The following GRAMD1B variants were observed in gnomAD, a reference collection of about 807,000 sequenced individuals.
GRAMD1B encodes the protein GRAM domain containing 1B.
GRAMD1B carries 37 observed loss-of-function variants against 99.7 expected under a neutral mutation model. The ratio of observed to expected loss-of-function variants is 0.37; its 90% CI spans 0.29 to 0.49. The LOEUF (loss-of-function observed/expected upper bound fraction) is 0.49, where lower values mean the gene tolerates loss of function less well. GRAMD1B is among the 20% of genes least tolerant of loss of function. The pLI is 0.98. For missense variants in GRAMD1B, 888 were observed against 1,009.2 expected (o/e 0.88, Z 1.63); for synonymous variants, 427 against 387.6 (o/e 1.10, Z -1.19).
At chr11:123,412,858 T>C (rs1948100399) in intron 1 of GRAMD1B, among the ~76,000 whole-genome samples, 1 of 152,176 alleles carries the variant, frequency 6.6e-6, no homozygotes, top group Non-Finnish European at 1.5e-5. Flanking sequence ...CTCGGCTTAC[T>C]GCAACGTCTA....
chr11:123,382,635 A>T (rs935406468), intron 1 of GRAMD1B, among the ~76,000 whole-genome samples: 1 of 152,144 alleles, frequency 6.6e-6, no homozygotes, highest in African/African-American at 2.4e-5. Flanking sequence ...CGTTTGTGAA[A>T]AAGCATCCAG....
intron 2 of GRAMD1B, among the ~76,000 whole-genome samples, chr11:123,504,394 A>G (rs1273134392): frequency 6.6e-6 from 1 of 152,054 alleles, no homozygotes; most frequent in Non-Finnish European, 1.5e-5. Flanking sequence ...ACTGACCCCG[A>G]AGGCTTAGCT....
At chr11:123,498,688 G>T (rs1395326549) in intron 2 of GRAMD1B, among the ~76,000 whole-genome samples, 1 of 152,126 alleles carries the variant, frequency 6.6e-6, no homozygotes. Context: ...TTGATTATGA[G>T]TGTCCCGCTG....
intron 1 of GRAMD1B, among the ~76,000 whole-genome samples, chr11:123,445,838 A>AC (rs1949617540): frequency 6.7e-6 from 1 of 150,352 alleles, no homozygotes; most frequent in Non-Finnish European, 1.5e-5. Flanking sequence ...AAAAAAAAAA[A>AC]CAAGACAAAC....
chr11:123,588,119 A>C (rs1950249478), intron 4 of GRAMD1B, among the ~76,000 whole-genome samples: 1 of 150,802 alleles, frequency 6.6e-6, no homozygotes, highest in Admixed American at 6.7e-5. Context: ...CTGCCTATCC[A>C]GATTTGGCTG....
chr11:123,568,393 T>G (rs1947642489), intron 2 of GRAMD1B, among the ~76,000 whole-genome samples: 1 of 152,238 alleles, frequency 6.6e-6, no homozygotes, highest in African/African-American at 2.4e-5. Flanking sequence ...AACAGTCCAG[T>G]TCCACCTTTG....
chr11:123,458,059 C>A (rs1950241662), intron 1 of GRAMD1B, among the ~76,000 whole-genome samples: 1 of 152,134 alleles, frequency 6.6e-6, no homozygotes, highest in Non-Finnish European at 1.5e-5. Flanking sequence ...TGCATGACTC[C>A]ACGATAAGTG....
chr11:123,522,564 C>A (rs1385909820), intron 2 of GRAMD1B, among the ~76,000 whole-genome samples: 1 of 152,162 alleles, frequency 6.6e-6, no homozygotes, highest in Non-Finnish European at 1.5e-5. Context: ...GGTGATCCAC[C>A]CATCTCGGCC....
intron 2 of GRAMD1B, among the ~76,000 whole-genome samples, chr11:123,535,959 G>T (rs189534993): frequency 6.6e-6 from 1 of 152,142 alleles, no homozygotes; most frequent in Non-Finnish European, 1.5e-5. Flanking sequence ...CAGGTGCCTC[G>T]TTGTTGCAGT....
intron 2 of GRAMD1B, among the ~76,000 whole-genome samples, chr11:123,558,372 A>G (rs1946376881): frequency 6.6e-6 from 1 of 152,142 alleles, no homozygotes; most frequent in African/African-American, 2.4e-5. Context: ...CTTCTCAGGG[A>G]TGTAAAACCA....
At chr11:123,375,400 TAAA>T (rs879389466) in intron 1 of GRAMD1B, among the ~76,000 whole-genome samples, 2 of 146,946 alleles carry the variant, frequency 1.4e-5, no homozygotes, top group African/African-American at 5.0e-5. Flanking sequence ...TTCTATTAAA[TAAA>T]AAAAAAAGAG....
At chr11:123,388,573 C>T (rs1275282803) in intron 1 of GRAMD1B, among the ~76,000 whole-genome samples, 2 of 152,048 alleles carry the variant, frequency 1.3e-5, no homozygotes, top group Non-Finnish European at 2.9e-5. Context: ...ACTCGAGAGG[C>T]TGAGGTGGGA....
chr11:123,610,311 G>T lies in GRAMD1B; in HGVS notation c.1892G>T (p.Arg631Leu). 1 of 1,613,928 alleles carries T rather than the reference G, an allele frequency of 6.2e-7. No homozygotes were observed. Among genetic ancestry groups the T allele is most frequent in the Non-Finnish European group, 8.5e-7 (1 of 1,179,854 alleles). The change falls in exon 14 of 20, where the codon CGT becomes CTT. Residue 631 changes from arginine (R) to leucine (L), a missense_variant. By Grantham distance (102) the Arg-to-Leu change is moderately radical (BLOSUM62 -2). Around this residue, in one of 5 missense-constraint regions of GRAMD1B, gnomAD observed 92 missense variants for 156.9 expected, o/e 0.59. Coordinates refer to ENST00000635736, the MANE Select transcript of GRAMD1B (RefSeq NM_001387025.1). This position sits in a 1 kb window ranked among gnomAD's most constrained non-coding sequence, Gnocchi z 4.1. ...ACAATCAATCGCTACACGCTCACCCGTGTGGCTCGGAACAAGAGCCGACTC... is the reference window on the plus strand; with the variant it reads ...ACAATCAATCGCTACACGCTCACCCTTGTGGCTCGGAACAAGAGCCGACTC... ...FYTINRYTLT[R>L]VARNKSRLRV...
intron 2 of GRAMD1B, among the ~76,000 whole-genome samples, chr11:123,552,273 C>CTTTT (rs71060514): frequency 8.4e-5 from 10 of 119,324 alleles, no homozygotes; most frequent in South Asian, 2.6e-4. Flanking sequence ...CTCTTTCTTT[C>CTTTT]TTTTTTTTTT....
chr11:123,467,952 C>T (rs1950785869), intron 1 of GRAMD1B, among the ~76,000 whole-genome samples: 1 of 151,940 alleles, frequency 6.6e-6, no homozygotes, highest in South Asian at 2.1e-4. Flanking sequence ...CAACCTCTGC[C>T]TCCCGGGTTC....
intron 5 of GRAMD1B, among the ~76,000 whole-genome samples, chr11:123,594,418 G>A (rs1185521059): frequency 6.6e-6 from 1 of 152,230 alleles, no homozygotes; most frequent in African/African-American, 2.4e-5. Flanking sequence ...TGGCAGAAGG[G>A]GTTAGCATAG....
Position 123,473,253 on chromosome 11 carries a change from G to A in GRAMD1B, c.375-7563G>A, listed in dbSNP as rs191953541. Among the ~76,000 whole-genome samples the A allele has an allele frequency of 1.5e-3, 225 of 152,080 alleles. 1 individual carries two copies. Among genetic ancestry groups the A allele is most frequent in the African/African-American group, 5.1e-3 (210 of 41,470 alleles). The stretch of plus-strand genomic sequence containing the variant: ...TAAGTTTTGTATTTGTAGTAGAGAC[G>A]GGGTTTCACCATGTTAGCCAGGCTG... On this transcript the variant is annotated intron_variant, in intron 1 of 19. Coordinates refer to ENST00000635736, the MANE Select transcript of GRAMD1B (RefSeq NM_001387025.1).
intron 1 of GRAMD1B, among the ~76,000 whole-genome samples, chr11:123,408,893 G>C (rs924401007): frequency 6.6e-6 from 1 of 152,040 alleles, no homozygotes; most frequent in African/African-American, 2.4e-5. Flanking sequence ...GCTGAAAGCA[G>C]AATGCTGCTT....
At chr11:123,395,413 C>G (rs1947423850) in intron 1 of GRAMD1B, among the ~76,000 whole-genome samples, 1 of 152,002 alleles carries the variant, frequency 6.6e-6, no homozygotes, top group Admixed American at 6.6e-5. Flanking sequence ...CCCCAAGTTT[C>G]CAATACATCC....
Sources: allele counts gnomAD v4.1 joint callset (sites outside exome capture counted in the v4.1 genomes callset), GRCh38; gene constraint gnomAD v4.1.1; regional missense constraint gnomAD v4.1.1; non-coding constraint Gnocchi (gnomAD v3.1); transcripts MANE v1.5; gene names NCBI Gene and HGNC (gene_info 2026-07-23, HGNC 2026-07-21).